Variants in SLC71A2 observed in about 807,000 individuals in gnomAD.
The protein encoded by SLC71A2 is hippocampus abundant transcript-like 1.
At chr9:94,394,330 ATATTAT>A in the SLC71A2 span, among the ~76,000 whole-genome samples, 3 of 92,502 alleles carry the variant, frequency 3.2e-5, no homozygotes, top group African/African-American at 6.6e-5. Context: ...TTGTATTCCA[ATATTAT>A]TATTAGGTAG....
chr9:94,420,595 C>CTT, the SLC71A2 span, among the ~76,000 whole-genome samples: 78 of 143,350 alleles, frequency 5.4e-4, no homozygotes, highest in Middle Eastern at 3.6e-3. Context: ...GTTTATAATA[C>CTT]TTTTTTTTTT....
the SLC71A2 span, among the ~76,000 whole-genome samples, chr9:94,403,404 C>T: frequency 6.6e-6 from 1 of 151,798 alleles, no homozygotes; most frequent in Non-Finnish European, 1.5e-5. Context: ...TCCCAAAGTG[C>T]TGGGATTACA....
the SLC71A2 span, among the ~76,000 whole-genome samples, chr9:94,414,831 A>G: frequency 0.14 from 21,005 of 151,748 alleles, 1,615 homozygotes; most frequent in Middle Eastern, 0.26. Flanking sequence ...GCTAATTTTT[A>G]TATTTTTTAG....
At chr9:94,409,381 C>T in the SLC71A2 span, among the ~76,000 whole-genome samples, 2 of 133,322 alleles carry the variant, frequency 1.5e-5, no homozygotes, top group Non-Finnish European at 3.2e-5. Flanking sequence ...AACTTCTTAA[C>T]TCCTGGGTTC....
At chr9:94,379,262 T>A in the SLC71A2 span, among the ~76,000 whole-genome samples, 1 of 149,298 alleles carries the variant, frequency 6.7e-6, no homozygotes, top group Non-Finnish European at 1.5e-5. Flanking sequence ...AATTTTGTAT[T>A]TTTAGTAGAG....
the SLC71A2 span, among the ~76,000 whole-genome samples, chr9:94,395,529 T>C: frequency 6.6e-6 from 1 of 152,184 alleles, no homozygotes; most frequent in East Asian, 1.9e-4. Flanking sequence ...TCTTATTTGC[T>C]CTTCCCAGTG....
chr9:94,438,572 C>T, the SLC71A2 span: 153 of 1,602,758 alleles, frequency 9.5e-5, no homozygotes, highest in Non-Finnish European at 1.2e-4. Flanking sequence ...TGTTTTGAGT[C>T]ACATGTAAAT....
the SLC71A2 span, among the ~76,000 whole-genome samples, chr9:94,391,653 T>G: frequency 6.7e-6 from 1 of 149,470 alleles, no homozygotes; most frequent in African/African-American, 2.5e-5. Context: ...TTTGGGAGGT[T>G]GAGGCGGGCG....
the SLC71A2 span, among the ~76,000 whole-genome samples, chr9:94,423,007 G>T: frequency 6.7e-6 from 1 of 148,972 alleles, no homozygotes; most frequent in Non-Finnish European, 1.5e-5. Context: ...TGCGATATCG[G>T]TTCACTGCAA....
the SLC71A2 span, among the ~76,000 whole-genome samples, chr9:94,447,744 G>C: frequency 6.6e-6 from 1 of 152,102 alleles, no homozygotes; most frequent in South Asian, 2.1e-4. Flanking sequence ...TTGGACAAAC[G>C]TATGATGACA....
the SLC71A2 span, among the ~76,000 whole-genome samples, chr9:94,397,427 C>G: frequency 6.7e-6 from 1 of 149,390 alleles, no homozygotes; most frequent in Admixed American, 6.7e-5. Context: ...TTCAAACAAG[C>G]AAAAATTACC....
the SLC71A2 span, among the ~76,000 whole-genome samples, chr9:94,379,088 C>CTTTTTTTTTTT: frequency 1.4e-5 from 1 of 70,874 alleles, no homozygotes; most frequent in Non-Finnish European, 3.5e-5. Flanking sequence ...GTGTGCATTT[C>CTTTTTTTTTTT]CTTTTTTTTT....
chr9:94,426,517 G>A, the SLC71A2 span, among the ~76,000 whole-genome samples: 1 of 152,020 alleles, frequency 6.6e-6, no homozygotes, highest in Non-Finnish European at 1.5e-5. Context: ...TCATCCAGAA[G>A]CGCCTTATGA....
chr9:94,404,179 T>C, the SLC71A2 span, among the ~76,000 whole-genome samples: 708 of 152,370 alleles, frequency 4.6e-3, 4 homozygotes, highest in African/African-American at 0.016. Context: ...TATCCTGTTA[T>C]AGCAGCACAA....
chr9:94,385,752 C>T, the SLC71A2 span, among the ~76,000 whole-genome samples: 1 of 151,920 alleles, frequency 6.6e-6, no homozygotes, highest in Non-Finnish European at 1.5e-5. Flanking sequence ...ATCACTGTGG[C>T]TTTGTAGTTT....
the SLC71A2 span, among the ~76,000 whole-genome samples, chr9:94,422,044 C>T: frequency 2.6e-5 from 4 of 152,212 alleles, no homozygotes; most frequent in Middle Eastern, 3.4e-3. Context: ...TCCCGAGTCC[C>T]GGCTAGTTTT....
the SLC71A2 span, among the ~76,000 whole-genome samples, chr9:94,391,363 A>T: frequency 2.2e-5 from 3 of 135,432 alleles, no homozygotes; most frequent in Admixed American, 7.4e-5. Flanking sequence ...ACTCTGTCTT[A>T]AAAAAAAAAA....
chr9:94,444,858 G>C, the SLC71A2 span: 1 of 973,594 alleles, frequency 1.0e-6, no homozygotes. Flanking sequence ...GGTTGAGTGT[G>C]CTTTCCTGAA....
At chr9:94,379,839 T>G in the SLC71A2 span, among the ~76,000 whole-genome samples, 1 of 152,368 alleles carries the variant, frequency 6.6e-6, no homozygotes, top group Admixed American at 6.5e-5. Flanking sequence ...CAGGAAAGTA[T>G]TCAATGGTAA....
Sources: gnomAD v4.1 joint callset for allele counts (sites outside exome capture counted in the v4.1 genomes callset) on GRCh38, gnomAD v4.1.1 for gene constraint, MANE v1.5 for transcripts, NCBI Gene and HGNC (gene_info 2026-07-23, HGNC 2026-07-21) for gene names.